Variants in OPHN1 observed in about 807,000 individuals in gnomAD.
The protein encoded by OPHN1 is oligophrenin 1.
A neutral mutation model predicts 60.7 loss-of-function variants in OPHN1; 11 were observed. The ratio of observed to expected loss-of-function variants is 0.18; its 90% CI spans 0.11 to 0.30. OPHN1 has a LOEUF of 0.30. Among genes scored for constraint, OPHN1 ranks in the 10% least tolerant of loss-of-function variants. OPHN1 has a pLI of 1.00. For missense variants in OPHN1, 449 were observed against 611.0 expected (o/e 0.73, Z 2.80); for synonymous variants, 226 against 222.6 (o/e 1.02, Z -0.14).
chrX:68,201,583 G>A (rs1254571675), intron 11 of OPHN1, 36 bp downstream of exon 11: 17 of 1,107,342 alleles, frequency 1.5e-5, no homozygotes, highest in Middle Eastern at 2.4e-4. Context: ...CATCTGGCAC[G>A]TGGGGACATT....
chrX:68,057,783 G>C (rs2076878713), intron 21 of OPHN1, among the ~76,000 whole-genome samples: 1 of 111,409 alleles, frequency 9.0e-6, no homozygotes, highest in Non-Finnish European at 1.9e-5. Context: ...GTATCAAACT[G>C]GTGAGGCAGA....
intron 21 of OPHN1, among the ~76,000 whole-genome samples, chrX:68,060,579 A>T (rs924410033): frequency 8.9e-6 from 1 of 112,432 alleles, no homozygotes; most frequent in Non-Finnish European, 1.9e-5. Flanking sequence ...GAAAAAAGCA[A>T]TTTAACATGC....
chrX:68,316,772 T>TC (rs199721659), intron 2 of OPHN1, among the ~76,000 whole-genome samples: 9,016 of 111,214 alleles, frequency 0.081, 922 homozygotes, highest in African/African-American at 0.28. Flanking sequence ...CAAGATATGC[T>TC]CACATCTCAA....
chrX:68,078,386 G>A (rs1050013441), intron 19 of OPHN1, among the ~76,000 whole-genome samples: 2 of 111,431 alleles, frequency 1.8e-5, no homozygotes, highest in Non-Finnish European at 3.8e-5. Context: ...ATGCAGATGG[G>A]ATTCAAGAAA....
chrX:68,418,260 G>C (rs1444402835), intron 2 of OPHN1, among the ~76,000 whole-genome samples: 1 of 111,654 alleles, frequency 9.0e-6, no homozygotes, highest in Non-Finnish European at 1.9e-5. Context: ...CTGGCTAGGA[G>C]GGCAATTTTC....
chrX:68,265,574 G>A (rs923972635), intron 5 of OPHN1, among the ~76,000 whole-genome samples: 20 of 111,110 alleles, frequency 1.8e-4, no homozygotes, highest in Non-Finnish European at 3.8e-4. Context: ...CACAAAGATG[G>A]GGAAAAAACA....
chrX:68,276,014 CAA>C (rs200242403), intron 4 of OPHN1, among the ~76,000 whole-genome samples: 3 of 107,428 alleles, frequency 2.8e-5, no homozygotes, highest in African/African-American at 1.0e-4. Context: ...CAGCACCCAG[CAA>C]AAAAAAATAT....
rs139090146 is a variant in OPHN1 at position 68,150,400 on chromosome X, G to A, written c.1277-31068C>T. 8.0e-3 allele frequency among the ~76,000 whole-genome samples: 894 copies of A among 111,759 alleles called. 12 individuals carry two copies. Among genetic ancestry groups the A allele is most frequent in the African/African-American group, 0.028 (857 of 30,802 alleles). ...TTGAAGAAAGGGTACATAATGTACG[G>A]TTGAGTGGGAAAAAATGGAACATAA... On this transcript the variant is annotated intron_variant, in intron 15 of 24. Transcript: ENST00000355520.
At chrX:68,284,448 T>C (rs963362925) in intron 3 of OPHN1, among the ~76,000 whole-genome samples, 19 of 110,892 alleles carry the variant, frequency 1.7e-4, no homozygotes, top group African/African-American at 6.2e-4. Context: ...AAGCAGATGC[T>C]GATGCCATGC....
chrX:68,399,997 T>C (rs753930244), intron 2 of OPHN1, among the ~76,000 whole-genome samples: 32 of 110,182 alleles, frequency 2.9e-4, no homozygotes, highest in Non-Finnish European at 5.1e-4. Flanking sequence ...CTGTAACCAA[T>C]AGGATGTTTG....
At chrX:68,073,077 C>T in intron 20 of OPHN1, 75 bp downstream of exon 20, 4 of 1,091,376 alleles carry the variant, frequency 3.7e-6, no homozygotes, top group Non-Finnish European at 5.0e-6. Flanking sequence ...ATGGTCATGC[C>T]ACCGCTTCTG....
intron 6 of OPHN1, among the ~76,000 whole-genome samples, chrX:68,221,055 C>A (rs868031149): frequency 0.056 from 5,723 of 103,072 alleles, 405 homozygotes; most frequent in African/African-American, 0.19. Context: ...CCCAAAATCT[C>A]CTTAAGCTGA....
chrX:68,252,204 G>GA (rs1163519721), intron 5 of OPHN1, among the ~76,000 whole-genome samples: 4 of 110,837 alleles, frequency 3.6e-5, no homozygotes, highest in African/African-American at 9.8e-5. Context: ...GAACCTAATT[G>GA]AAAAAAAACA....
At chrX:68,214,973 G>A (rs1301067473) in intron 6 of OPHN1, among the ~76,000 whole-genome samples, 2 of 111,254 alleles carry the variant, frequency 1.8e-5, no homozygotes, top group Non-Finnish European at 3.8e-5. Flanking sequence ...CTCCAGCCTG[G>A]GTGACAGAGC....
chrX:68,067,281 G>A (rs1275842439), intron 20 of OPHN1, among the ~76,000 whole-genome samples: 1 of 111,571 alleles, frequency 9.0e-6, no homozygotes, highest in Non-Finnish European at 1.9e-5. Context: ...ACTTGGAGGA[G>A]TGAAAGACCA....
intron 5 of OPHN1, among the ~76,000 whole-genome samples, chrX:68,266,653 G>T (rs908770209): frequency 9.0e-6 from 1 of 111,410 alleles, no homozygotes; most frequent in African/African-American, 3.3e-5. Context: ...ACATCGTAAT[G>T]ACAGGATCAA....
At chrX:68,065,185 A>C (rs1166180728) in intron 20 of OPHN1, among the ~76,000 whole-genome samples, 1 of 111,427 alleles carries the variant, frequency 9.0e-6, no homozygotes, top group Non-Finnish European at 1.9e-5. Context: ...GCAAATTGAA[A>C]CCTGAGATAT....
At chrX:68,225,398 G>T (rs1165242980) in intron 6 of OPHN1, among the ~76,000 whole-genome samples, 1 of 112,000 alleles carries the variant, frequency 8.9e-6, no homozygotes, top group East Asian at 2.8e-4. Flanking sequence ...CGGAGTTTGA[G>T]ATCTGAGAAC....
chrX:68,372,289 G>A, intron 2 of OPHN1, among the ~76,000 whole-genome samples: 1 of 111,869 alleles, frequency 8.9e-6, no homozygotes, highest in East Asian at 2.8e-4. Flanking sequence ...AAATGGAACT[G>A]GAACAACTAT....
Sources: allele counts gnomAD v4.1 joint callset (sites outside exome capture counted in the v4.1 genomes callset), GRCh38; gene constraint gnomAD v4.1.1; transcripts MANE v1.5; gene names NCBI Gene and HGNC (gene_info 2026-07-23, HGNC 2026-07-21).